NRG1: variants seen among roughly 807,000 people sequenced by gnomAD.
NRG1 encodes pro-neuregulin-1, membrane-bound isoform.
Under a neutral mutation model 63.8 loss-of-function variants are expected in NRG1, and 18 were observed. That is an observed-to-expected ratio of 0.28 (90% confidence interval 0.19 to 0.42). The LOEUF (loss-of-function observed/expected upper bound fraction) is 0.42. NRG1 is among the 10% of genes least tolerant of loss of function. NRG1 has a pLI of 1.00. For missense variants in NRG1, 762 were observed against 814.7 expected, an observed-to-expected ratio of 0.94 and a Z score of 0.79; for synonymous variants, 302 against 301.3, an observed-to-expected ratio of 1.00 and a Z score of -0.02.
At chr8:31,848,430 C>G (rs572487614) in intron 1 of NRG1, among the ~76,000 whole-genome samples, 4 of 152,250 alleles carry the variant, frequency 2.6e-5, no homozygotes, top group Admixed American at 2.0e-4. Flanking sequence ...CACCCAGGCT[C>G]CCATTGGTGT....
intron 1 of NRG1, among the ~76,000 whole-genome samples, chr8:32,271,803 C>T (rs1385014068): frequency 6.6e-6 from 1 of 152,108 alleles, no homozygotes; most frequent in Non-Finnish European, 1.5e-5. Context: ...CACCTAGGGT[C>T]GTGCAAACAT....
chr8:31,909,424 T>G (rs993141944), intron 1 of NRG1, among the ~76,000 whole-genome samples: 2 of 152,042 alleles, frequency 1.3e-5, no homozygotes, highest in African/African-American at 4.8e-5. Flanking sequence ...TCAGAGTTCT[T>G]CCATGCTGAT....
chr8:32,446,999 T>TTTATTTATTTATTTA (rs1820331312), intron 1 of NRG1, among the ~76,000 whole-genome samples: 2 of 146,344 alleles, frequency 1.4e-5, no homozygotes, highest in Admixed American at 1.4e-4. Flanking sequence ...CTAAAATACT[T>TTTATTTATTTATTTA]TTTATTTATT....
At chr8:32,102,788 T>C in intron 1 of NRG1, among the ~76,000 whole-genome samples, 1 of 152,152 alleles carries the variant, frequency 6.6e-6, no homozygotes, top group East Asian at 1.9e-4. Context: ...TATTCAGTAA[T>C]AGTATCGAAT....
chr8:32,026,720 T>C (rs1293193422), intron 1 of NRG1, among the ~76,000 whole-genome samples: 2 of 152,244 alleles, frequency 1.3e-5, no homozygotes, highest in African/African-American at 2.4e-5. Context: ...CCACATTTTC[T>C]AGAAAGAGTG....
At chr8:31,952,824 T>C (rs1803690687) in intron 1 of NRG1, among the ~76,000 whole-genome samples, 1 of 152,158 alleles carries the variant, frequency 6.6e-6, no homozygotes, top group Non-Finnish European at 1.5e-5. Context: ...AGTAACGATG[T>C]TCTAATGATC....
intron 1 of NRG1, among the ~76,000 whole-genome samples, chr8:32,162,864 T>G (rs910208437): frequency 1.3e-5 from 2 of 152,178 alleles, no homozygotes; most frequent in Non-Finnish European, 2.9e-5. Context: ...CTTTATTACA[T>G]GGGCATTAGA....
chr8:32,313,009 C>T (rs11989384), intron 1 of NRG1, among the ~76,000 whole-genome samples: 73,965 of 151,696 alleles, frequency 0.49, 18,892 homozygotes, highest in African/African-American at 0.64. Context: ...CAAAATTAGC[C>T]GCGTGTGGTG....
intron 1 of NRG1, among the ~76,000 whole-genome samples, chr8:32,236,182 G>A (rs1015003875): frequency 2.6e-5 from 4 of 151,622 alleles, no homozygotes; most frequent in African/African-American, 9.7e-5. Flanking sequence ...TTGTTTTTCT[G>A]AAGTGAATGA....
At chr8:31,761,080 A>G (rs1365530692) in intron 1 of NRG1, among the ~76,000 whole-genome samples, 1 of 152,224 alleles carries the variant, frequency 6.6e-6, no homozygotes, top group East Asian at 1.9e-4. Flanking sequence ...AGACCGGATT[A>G]AGAAAATGTG....
At chr8:32,455,365 A>G (rs1821473510) in intron 1 of NRG1, among the ~76,000 whole-genome samples, 1 of 152,182 alleles carries the variant, frequency 6.6e-6, no homozygotes, top group Admixed American at 6.5e-5. Context: ...AAGGATTTGT[A>G]CTATATCAAG....
At chr8:32,299,574 G>C (rs77127921) in intron 1 of NRG1, among the ~76,000 whole-genome samples, 8,303 of 152,202 alleles carry the variant, frequency 0.055, 268 homozygotes, top group South Asian at 0.071. Context: ...GTGTTAGTCT[G>C]TTCTCATGCT....
intron 5 of NRG1, among the ~76,000 whole-genome samples, chr8:32,623,320 A>G (rs947460674): frequency 7.9e-5 from 12 of 152,080 alleles, no homozygotes; most frequent in African/African-American, 2.9e-4. Flanking sequence ...GTAGAAAAAA[A>G]CTTCTGGGAG....
At chr8:32,446,172 G>A (rs865922921) in intron 1 of NRG1, among the ~76,000 whole-genome samples, 2 of 152,116 alleles carry the variant, frequency 1.3e-5, no homozygotes, top group Non-Finnish European at 2.9e-5. Flanking sequence ...GCCACAGACC[G>A]AATCTGATCT....
intron 5 of NRG1, among the ~76,000 whole-genome samples, chr8:32,623,581 T>C (rs1481258086): frequency 6.6e-6 from 1 of 152,190 alleles, no homozygotes; most frequent in Non-Finnish European, 1.5e-5. Context: ...GCCCTACTCA[T>C]ATTACCTCAT....
intron 1 of NRG1, among the ~76,000 whole-genome samples, chr8:32,234,496 A>G (rs943397918): frequency 1.3e-5 from 2 of 152,208 alleles, no homozygotes; most frequent in African/African-American, 4.8e-5. Context: ...TACTTGTCCA[A>G]TATCACAACT....
intron 1 of NRG1, among the ~76,000 whole-genome samples, chr8:32,380,604 GC>G (rs1342237311): frequency 1.3e-5 from 2 of 152,070 alleles, no homozygotes; most frequent in Non-Finnish European, 2.9e-5. Flanking sequence ...CCTCCCCTGT[GC>G]TTCTACATCT....
rs1351656930 is a variant in NRG1, at chr8:32,647,437, TGAC to T, written c.502+30555_502+30557del. The T allele has an allele frequency of 3.0e-6, 3 of 985,248 alleles. No individual in the cohort carries two copies. In the African/African-American group the frequency reaches 5.2e-5, roughly 17 times the overall value. 61.0% of individuals were successfully genotyped at this position (985,248 alleles called of 1,614,324 possible). A position where few individuals can be genotyped will look rare whatever the true frequency, so the allele number is the denominator to read the frequency against. ...CGATCTATTTTCGTCCCTGTCCTCTTGACGAGCCCGGGATGGTTTGGAGTAGCA... is the reference window on the plus strand; with the variant it reads ...CGATCTATTTTCGTCCCTGTCCTCTTGAGCCCGGGATGGTTTGGAGTAGCA... On this transcript the variant is annotated intron_variant, in intron 5 of 11. Coordinates refer to ENST00000356819, the Ensembl canonical transcript of NRG1.
chr8:32,411,830 C>G (rs1814998084), intron 1 of NRG1, among the ~76,000 whole-genome samples: 1 of 152,142 alleles, frequency 6.6e-6, no homozygotes, highest in African/African-American at 2.4e-5. Flanking sequence ...ATTCTTTGAT[C>G]TAGCCATCTT....
Sources: allele counts gnomAD v4.1 joint callset (sites outside exome capture counted in the v4.1 genomes callset), GRCh38; gene constraint gnomAD v4.1.1; transcripts MANE v1.5; gene names NCBI Gene and HGNC (gene_info 2026-07-23, HGNC 2026-07-21).